The following PBRM1 variants were observed in gnomAD, a reference collection of about 807,000 sequenced individuals.
The protein encoded by PBRM1 is polybromo 1.
A neutral mutation model predicts 194.5 loss-of-function variants in PBRM1; 27 were observed. That is an observed-to-expected ratio of 0.14 (90% CI 0.10 to 0.19). PBRM1 has a LOEUF of 0.19. Ranked by LOEUF, PBRM1 falls within the 10% of genes least tolerant of loss-of-function variation. The pLI is 1.00. For missense variants in PBRM1, 1,466 were observed against 2,077.2 expected, an observed-to-expected ratio of 0.71 and a Z score of 5.72; for synonymous variants, 655 against 693.2, an observed-to-expected ratio of 0.94 and a Z score of 0.87.
In PBRM1 at chr3:52,572,940, G is replaced by A. The variant is rs190630620; in HGVS notation, c.3691+3601C>T. ...AAAACCCTTTTTCCTTGGAGGCTGG[G>A]GACAGTGAATTCCACAAGCTAGGCT... On this transcript the variant is annotated intron_variant, in intron 22 of 29. Coordinates refer to ENST00000296302, the Ensembl canonical transcript of PBRM1. Among the ~76,000 whole-genome samples, 24 of 152,218 alleles carry A rather than the reference G, an allele frequency of 1.6e-4. No individual in the cohort carries two copies. In the East Asian group the frequency reaches 4.0e-3, roughly 26 times the overall value.
At chr3:52,681,587 A>G (rs531307277), upstream of PBRM1, 176 of 243,764 alleles carry the variant, frequency 7.2e-4, no homozygotes, top group African/African-American at 3.7e-3. Context: ...TTTGATGAAC[A>G]TAAGGAGGGA....
chr3:52,581,243 C>T (rs1428803802), intron 20 of PBRM1, among the ~76,000 whole-genome samples: 1 of 152,200 alleles, frequency 6.6e-6, no homozygotes, highest in Non-Finnish European at 1.5e-5. Flanking sequence ...GGAGTGGTGG[C>T]TTACGCCTGT....
At chr3:52,667,695 G>T (rs1451604311) in intron 3 of PBRM1, among the ~76,000 whole-genome samples, 2 of 146,736 alleles carry the variant, frequency 1.4e-5, no homozygotes, top group Non-Finnish European at 3.0e-5. Flanking sequence ...AGAGGTTGCA[G>T]TGAGCTGAGA....
intron 24 of PBRM1, 101 bp downstream of exon 26, chr3:52,563,182 G>A: frequency 1.4e-6 from 1 of 711,096 alleles, no homozygotes; most frequent in Non-Finnish European, 2.3e-6. Context: ...CTAAGTTAAA[G>A]CTCACATATG....
At chr3:52,585,212 T>C (rs2092179876) in intron 20 of PBRM1, among the ~76,000 whole-genome samples, 1 of 152,190 alleles carries the variant, frequency 6.6e-6, no homozygotes, top group South Asian at 2.1e-4. Flanking sequence ...TTTCAGGTTG[T>C]GAAATCAAGA....
chr3:52,579,215 C>T lies in PBRM1; in HGVS notation c.3388-16G>A, dbSNP rs2153687804. 6.2e-7 allele frequency: 1 copy of T among 1,612,024 alleles called. No homozygotes were observed. Among genetic ancestry groups the T allele is most frequent in the Non-Finnish European group, 8.5e-7 (1 of 1,178,110 alleles). ...CTTCTTTTTCCTGTTGTAAAGAAAA[C>T]TGGCTGAAGAAAGGTAGTTGATAAT... On this transcript the variant is annotated splice_polypyrimidine_tract_variant and intron_variant, in intron 20 of 29. Coordinates refer to ENST00000296302, the Ensembl canonical transcript of PBRM1.
intron 20 of PBRM1, among the ~76,000 whole-genome samples, chr3:52,582,256 A>AAG (rs2091424776): frequency 6.6e-6 from 1 of 150,658 alleles, no homozygotes; most frequent in South Asian, 2.1e-4. Context: ...AAAAAAAAAA[A>AAG]AGCTCCTGAA....
intron 22 of PBRM1, among the ~76,000 whole-genome samples, chr3:52,564,652 G>GA (rs71084190): frequency 4.4e-4 from 60 of 135,098 alleles, no homozygotes; most frequent in African/African-American, 5.5e-4. Flanking sequence ...CCTATCTCAA[G>GA]AAAAAAAAAA....
intron 17 of PBRM1, among the ~76,000 whole-genome samples, chr3:52,602,225 T>A (rs2094049465): frequency 6.6e-6 from 1 of 152,308 alleles, no homozygotes; most frequent in Admixed American, 6.5e-5. Flanking sequence ...TGTCTTCAAA[T>A]CTTTTTTCTC....
chr3:52,578,471 A>C (rs2090260642), intron 21 of PBRM1, among the ~76,000 whole-genome samples: 1 of 152,220 alleles, frequency 6.6e-6, no homozygotes. Flanking sequence ...GCTGGGACTC[A>C]GGGAATGAAC....
At chr3:52,596,063 A>T (rs1245130041) in intron 17 of PBRM1, among the ~76,000 whole-genome samples, 1 of 152,170 alleles carries the variant, frequency 6.6e-6, no homozygotes, top group African/African-American at 2.4e-5. Context: ...ATATAAATTG[A>T]AGTCGGGTAA....
chr3:52,554,737 G>A (rs1195195920), exon 27 of PBRM1: 4 of 1,556,782 alleles, frequency 2.6e-6, no homozygotes, highest in Admixed American at 2.2e-5. Flanking sequence ...GTGGTGGGAT[G>A]CCCGGGAGGC....
intron 13 of PBRM1, 33 bp downstream of exon 14, chr3:52,627,235 GGAACT>G: frequency 9.0e-7 from 1 of 1,117,176 alleles, no homozygotes. Context: ...AAAATTAACA[GGAACT>G]GAGATGTCCC....
At chr3:52,580,940 C>T (rs1420219350) in intron 20 of PBRM1, among the ~76,000 whole-genome samples, 14 of 152,176 alleles carry the variant, frequency 9.2e-5, no homozygotes, top group Admixed American at 9.2e-4. Context: ...AAAGAAGATA[C>T]TTCTCACTAA....
At chr3:52,599,677 A>G (rs1173670081) in intron 17 of PBRM1, among the ~76,000 whole-genome samples, 3 of 151,138 alleles carry the variant, frequency 2.0e-5, no homozygotes, top group Admixed American at 6.6e-5. Flanking sequence ...AAAAGAAAAA[A>G]ATTAACCAAG....
At chr3:52,561,086 T>A (rs2153480792) in intron 25 of PBRM1, among the ~76,000 whole-genome samples, 1 of 151,608 alleles carries the variant, frequency 6.6e-6, no homozygotes, top group South Asian at 2.1e-4. Flanking sequence ...GTCTGATATT[T>A]AAAAAAAACC....
At chr3:52,586,523 C>A (rs143085435) in exon 20 of PBRM1, 1 of 1,613,886 alleles carries the variant, frequency 6.2e-7, no homozygotes, top group Non-Finnish European at 8.5e-7. Flanking sequence ...ACAGAGGCCA[C>A]GCGAACCACA....
chr3:52,678,385 C>A (rs1470118610), intron 2 of PBRM1, 115 bp downstream of exon 3: 2 of 642,314 alleles, frequency 3.1e-6, no homozygotes, highest in Middle Eastern at 2.5e-4. Context: ...TAAAATTGGA[C>A]CCCAGTATCA....
chr3:52,635,548 G>A (rs1468981603), intron 10 of PBRM1, among the ~76,000 whole-genome samples: 3 of 151,894 alleles, frequency 2.0e-5, no homozygotes, highest in Admixed American at 6.6e-5. Context: ...CCTGGGTGAC[G>A]GATGAAGACT....
Sources: gnomAD v4.1 joint callset for allele counts (sites outside exome capture counted in the v4.1 genomes callset) on GRCh38, gnomAD v4.1.1 for gene constraint, MANE v1.5 for transcripts, NCBI Gene and HGNC (gene_info 2026-07-23, HGNC 2026-07-21) for gene names.